Variants in KIAA0825 observed in about 807,000 individuals in gnomAD.
KIAA0825 encodes the protein uncharacterized protein KIAA0825.
Under a neutral mutation model 147.6 loss-of-function variants are expected in KIAA0825, and 119 were observed. The observed-to-expected ratio is 0.81, with a 90% CI of 0.69 to 0.94. KIAA0825 has a LOEUF of 0.94. Ranked by LOEUF, KIAA0825 falls within the 40% of genes least tolerant of loss-of-function variation. The pLI, the probability that KIAA0825 is intolerant of heterozygous loss-of-function variation, is 0.00. For missense variants in KIAA0825, 1,381 were observed against 1,472.7 expected (o/e 0.94, Z 1.02); for synonymous variants, 470 against 518.1 (o/e 0.91, Z 1.26).
At chr5:94,370,121 A>T (rs991618975) in intron 20 of KIAA0825, among the ~76,000 whole-genome samples, 3 of 152,180 alleles carry the variant, frequency 2.0e-5, no homozygotes, top group Non-Finnish European at 4.4e-5. Context: ...TAGATCAAAA[A>T]ACTGTGGTAC....
At chr5:94,254,427 T>C (rs910240033) in intron 20 of KIAA0825, among the ~76,000 whole-genome samples, 2 of 152,150 alleles carry the variant, frequency 1.3e-5, no homozygotes, top group African/African-American at 2.4e-5. Flanking sequence ...TAAGTGGTAT[T>C]GGTCACCAAA....
intron 20 of KIAA0825, among the ~76,000 whole-genome samples, chr5:94,165,344 A>C (rs1767933503): frequency 6.6e-6 from 1 of 152,202 alleles, no homozygotes; most frequent in Non-Finnish European, 1.5e-5. Flanking sequence ...TTATATCCCA[A>C]AGACAGGCAA....
intron 6 of KIAA0825, among the ~76,000 whole-genome samples, chr5:94,480,438 A>G (rs10062463): frequency 0.05 from 7,660 of 152,120 alleles, 633 homozygotes; most frequent in African/African-American, 0.17. Flanking sequence ...TGTTAATGAC[A>G]AGAAGGGACA....
intron 11 of KIAA0825, among the ~76,000 whole-genome samples, chr5:94,463,559 A>G (rs1760100108): frequency 6.6e-6 from 1 of 151,382 alleles, no homozygotes; most frequent in Admixed American, 6.6e-5. Context: ...TTCTAATCCA[A>G]TATATATGGA....
At chr5:94,387,556 G>T (rs922459268) in intron 18 of KIAA0825, among the ~76,000 whole-genome samples, 1 of 152,086 alleles carries the variant, frequency 6.6e-6, no homozygotes, top group Non-Finnish European at 1.5e-5. Context: ...TTAGCTGAGT[G>T]TGGTGGTGGG....
intron 20 of KIAA0825, among the ~76,000 whole-genome samples, chr5:94,215,072 T>G (rs1773079154): frequency 6.6e-6 from 1 of 152,028 alleles, no homozygotes; most frequent in Non-Finnish European, 1.5e-5. Flanking sequence ...AAGTGAAAGT[T>G]TCAGAGGGGT....
intron 2 of KIAA0825, among the ~76,000 whole-genome samples, chr5:94,560,495 T>C (rs1403686191): frequency 6.6e-6 from 1 of 152,198 alleles, no homozygotes; most frequent in Admixed American, 6.5e-5. Context: ...TTCTATGGCC[T>C]GATAGTTTTT....
intron 1 of KIAA0825, chr5:94,593,905 A>C: frequency 2.4e-6 from 1 of 420,742 alleles, no homozygotes; most frequent in Non-Finnish European, 4.8e-6. Context: ...ATTTGGACGA[A>C]GTGGGAATAT....
At position 94,607,358 on chromosome 5, in the gene KIAA0825, C is replaced by T. The variant is rs917050541; in HGVS notation, c.-153+11142G>A. 2.0e-5 allele frequency among the ~76,000 whole-genome samples: 3 copies of T among 152,240 alleles called. No individual in the cohort carries two copies. The East Asian group carries it at 5.8e-4, about 29-fold the overall frequency. On this transcript the variant is annotated intron_variant, in intron 1 of 20. Transcript: ENST00000682413. The stretch of plus-strand genomic sequence containing the variant: ...GGAAATCAGGCTGGGTGCGGTGGCT[C>T]ATGCCTGTAATCCCAACATTTTGGG...
At chr5:94,519,992 A>G (rs1767859083) in intron 5 of KIAA0825, 1 of 1,095,628 alleles carries the variant, frequency 9.1e-7, no homozygotes, top group East Asian at 4.5e-5. Flanking sequence ...TGCAATCAAG[A>G]GAAATTAAAC....
chr5:94,560,609 G>T lies in KIAA0825; in HGVS notation c.-2+21824C>A, dbSNP rs1777371306. On this transcript the variant is annotated intron_variant, in intron 2 of 20. Transcript: ENST00000682413. Reference sequence around the variant, plus strand: ...AAAATATTTACTATCTGGCCTTTTGGTTATTTCAGTCATAATAGAAAATGT... The same window carrying T: ...AAAATATTTACTATCTGGCCTTTTGTTTATTTCAGTCATAATAGAAAATGT... Among the ~76,000 whole-genome samples, 3 of 152,156 alleles carry T rather than the reference G, an allele frequency of 2.0e-5. No homozygotes were observed. In the South Asian group the frequency reaches 6.2e-4, roughly 32 times the overall value.
rs138008138 is a variant in KIAA0825, at chr5:94,396,856, A to G, written c.2888-347T>C. Among the ~76,000 whole-genome samples the G allele has an allele frequency of 5.4e-3, 818 of 151,106 alleles. 8 individuals are homozygous for G. The highest frequency in any genetic ancestry group is 9.9e-3 in the Non-Finnish European group (674 of 67,750). On this transcript the variant is annotated intron_variant, in intron 16 of 20. Coordinates refer to ENST00000682413, the MANE Select transcript of KIAA0825 (RefSeq NM_001145678.3). The stretch of plus-strand genomic sequence containing the variant: ...AGCTTTGTAGGCTTTGGTACTTCTG[A>G]CTCCCCCTTAAGCCCTTCTCCTCCT...
intron 2 of KIAA0825, among the ~76,000 whole-genome samples, chr5:94,572,452 A>T (rs1780157523): frequency 6.6e-6 from 1 of 152,248 alleles, no homozygotes; most frequent in Admixed American, 6.5e-5. Flanking sequence ...CATTCATTAC[A>T]CTGCAGACTC....
intron 5 of KIAA0825, among the ~76,000 whole-genome samples, chr5:94,497,179 C>A (rs1764480074): frequency 6.6e-6 from 1 of 152,098 alleles, no homozygotes; most frequent in African/African-American, 2.4e-5. Flanking sequence ...CAAAGTAAAT[C>A]CACTCTGAGA....
chr5:94,371,365 A>C (rs1173261749), intron 20 of KIAA0825, among the ~76,000 whole-genome samples: 5 of 152,224 alleles, frequency 3.3e-5, no homozygotes, highest in Non-Finnish European at 5.9e-5. Flanking sequence ...TTATTTTATA[A>C]GTCCATTCTT....
chr5:94,487,731 T>C (rs1763219569), intron 5 of KIAA0825, among the ~76,000 whole-genome samples: 1 of 152,146 alleles, frequency 6.6e-6, no homozygotes, highest in Admixed American at 6.6e-5. Flanking sequence ...GAAAACATTA[T>C]CTGCCAGTCT....
At chr5:94,210,716 A>C (rs1387775650) in intron 20 of KIAA0825, among the ~76,000 whole-genome samples, 2 of 152,190 alleles carry the variant, frequency 1.3e-5, no homozygotes, top group African/African-American at 4.8e-5. Flanking sequence ...AAGAGCTAGA[A>C]GAGCAAAAGA....
intron 20 of KIAA0825, among the ~76,000 whole-genome samples, chr5:94,344,293 A>G (rs1782748622): frequency 6.6e-6 from 1 of 152,222 alleles, no homozygotes; most frequent in African/African-American, 2.4e-5. Flanking sequence ...TCTATATTCA[A>G]CTGCATGCAA....
chr5:94,321,419 C>G (rs1780188811), intron 20 of KIAA0825, among the ~76,000 whole-genome samples: 1 of 151,868 alleles, frequency 6.6e-6, no homozygotes, highest in South Asian at 2.1e-4. Context: ...ATTTGATAAA[C>G]CATCTAATCC....
Sources: allele counts gnomAD v4.1 joint callset (sites outside exome capture counted in the v4.1 genomes callset), GRCh38; gene constraint gnomAD v4.1.1; transcripts MANE v1.5; gene names NCBI Gene and HGNC (gene_info 2026-07-23, HGNC 2026-07-21).